The following FSTL4 variants were observed in gnomAD, a reference collection of about 807,000 sequenced individuals.
FSTL4 encodes the protein follistatin-related protein 4.
FSTL4 carries 28 observed loss-of-function variants against 78.2 expected under a neutral mutation model. The ratio of observed to expected loss-of-function variants is 0.36; its 90% CI spans 0.27 to 0.49. The LOEUF (loss-of-function observed/expected upper bound fraction) is 0.49. Ranked by LOEUF, FSTL4 falls within the 20% of genes least tolerant of loss-of-function variation. The pLI is 0.98. For synonymous variants in FSTL4, 422 were observed against 440.5 expected (o/e 0.96, Z 0.53); for missense variants, 922 against 1,084.9 (o/e 0.85, Z 2.11).
At chr5:133,464,825 A>G (rs1757671128) in intron 3 of FSTL4, among the ~76,000 whole-genome samples, 1 of 152,238 alleles carries the variant, frequency 6.6e-6, no homozygotes, top group African/African-American at 2.4e-5. Flanking sequence ...TATGTATTTC[A>G]TACAAAATAT....
chr5:133,816,025 T>G, the FSTL4 span, among the ~76,000 whole-genome samples: 1 of 152,086 alleles, frequency 6.6e-6, no homozygotes. Context: ...ACAAGAAGGA[T>G]AGAGTTAAGC....
intron 2 of FSTL4, among the ~76,000 whole-genome samples, chr5:133,582,694 ATGC>A (rs1200516844): frequency 1.3e-5 from 2 of 152,092 alleles, no homozygotes; most frequent in Non-Finnish European, 2.9e-5. Context: ...TCTTCCTTCC[ATGC>A]TAGGCTCTTA....
chr5:133,305,578 T>C (rs1753638960), intron 6 of FSTL4, among the ~76,000 whole-genome samples: 1 of 152,174 alleles, frequency 6.6e-6, no homozygotes, highest in African/African-American at 2.4e-5. Flanking sequence ...GCTCCTACTT[T>C]GTTTATTGGG....
chr5:133,834,684 A>G, the FSTL4 span, among the ~76,000 whole-genome samples: 3,008 of 152,302 alleles, frequency 0.02, 94 homozygotes, highest in African/African-American at 0.068. Flanking sequence ...TTATAGAATC[A>G]GAAAAAATAA....
chr5:133,449,178 C>A (rs1355589264), intron 3 of FSTL4, among the ~76,000 whole-genome samples: 2 of 152,212 alleles, frequency 1.3e-5, no homozygotes, highest in Non-Finnish European at 2.9e-5. Context: ...TCTGTGCACA[C>A]CATAGGCCTG....
intron 6 of FSTL4, among the ~76,000 whole-genome samples, chr5:133,288,087 A>T (rs1173126272): frequency 6.6e-6 from 1 of 152,272 alleles, no homozygotes; most frequent in Non-Finnish European, 1.5e-5. Context: ...ACTACATATA[A>T]TATAAATGAT....
At chr5:133,685,767 G>A in the FSTL4 span, among the ~76,000 whole-genome samples, 1 of 152,216 alleles carries the variant, frequency 6.6e-6, no homozygotes. Context: ...AGGCAGGCAG[G>A]CCCCAATTCT....
At chr5:133,395,665 A>G (rs548586495) in intron 4 of FSTL4, among the ~76,000 whole-genome samples, 33 of 152,002 alleles carry the variant, frequency 2.2e-4, no homozygotes, top group African/African-American at 7.7e-4. Context: ...TCTCCCCTAC[A>G]CCCAGGATCC....
the FSTL4 span, among the ~76,000 whole-genome samples, chr5:133,684,290 TC>T: frequency 6.6e-6 from 1 of 152,162 alleles, no homozygotes; most frequent in Non-Finnish European, 1.5e-5. Flanking sequence ...TCCTCTGTCC[TC>T]CCCGACCCTC....
chr5:133,581,263 T>A (rs553556714), intron 2 of FSTL4, among the ~76,000 whole-genome samples: 1 of 152,158 alleles, frequency 6.6e-6, no homozygotes, highest in Non-Finnish European at 1.5e-5. Flanking sequence ...CAGAGCTAGA[T>A]TGGTGTTTAC....
At chr5:133,827,522 G>C in the FSTL4 span, among the ~76,000 whole-genome samples, 1 of 152,010 alleles carries the variant, frequency 6.6e-6, no homozygotes, top group African/African-American at 2.4e-5. Flanking sequence ...ATGGAGAGTG[G>C]ACACTGTGCA....
In FSTL4 at chr5:133,426,321, G is replaced by A. The variant is rs761199630; in HGVS notation, c.161-25335C>T. On this transcript the variant is annotated intron_variant, in intron 3 of 15. Transcript: ENST00000265342. The surrounding 1 kb of genome is among the most constrained non-coding windows in gnomAD (Gnocchi z 5.0). ...AGGTGAGAGGGGGAGACCTGCCTCC[G>A]TGGCTCTCCTGGGCTGTGCTGACCC... 2.9e-4 allele frequency among the ~76,000 whole-genome samples: 44 copies of A among 152,250 alleles called. No homozygotes were observed. Among genetic ancestry groups the A allele is most frequent in the African/African-American group, 1.0e-3 (42 of 41,536 alleles).
chr5:133,561,197 G>C (rs1358599724), intron 3 of FSTL4, among the ~76,000 whole-genome samples: 2 of 151,610 alleles, frequency 1.3e-5, no homozygotes, highest in African/African-American at 2.4e-5. Context: ...ACACATCTTG[G>C]AGACAGAAGA....
chr5:133,252,340 T>A, intron 6 of FSTL4: 1 of 151,948 alleles, frequency 6.6e-6, no homozygotes, highest in South Asian at 2.1e-4. Context: ...GGGCTTCCCC[T>A]GGGCCCTAGA....
intron 3 of FSTL4, among the ~76,000 whole-genome samples, chr5:133,459,992 G>T (rs1489608031): frequency 6.6e-6 from 1 of 152,164 alleles, no homozygotes; most frequent in Non-Finnish European, 1.5e-5. Flanking sequence ...AGCTACGAAA[G>T]GAAATATCCT....
the FSTL4 span, among the ~76,000 whole-genome samples, chr5:133,652,645 G>A: frequency 6.6e-6 from 1 of 152,022 alleles, no homozygotes; most frequent in Non-Finnish European, 1.5e-5. Context: ...TCCCATTCTC[G>A]TAAGCATGTT....
chr5:133,374,908 G>GACTGACTAAGCACCCCTCATTTCA (rs1561691245), intron 4 of FSTL4, among the ~76,000 whole-genome samples: 1 of 152,076 alleles, frequency 6.6e-6, no homozygotes, highest in Non-Finnish European at 1.5e-5. Flanking sequence ...TATAGCACCA[G>GACTGACTAAGCACCCCTCATTTCA]ACTGACTAAG....
At chr5:133,498,388 T>G (rs1758416444) in intron 3 of FSTL4, among the ~76,000 whole-genome samples, 1 of 152,170 alleles carries the variant, frequency 6.6e-6, no homozygotes, top group Admixed American at 6.5e-5. Context: ...ATCTATACAT[T>G]ATTGATACGT....
intron 13 of FSTL4, among the ~76,000 whole-genome samples, chr5:133,212,495 T>C (rs777131237): frequency 2.6e-5 from 4 of 152,218 alleles, no homozygotes; most frequent in Non-Finnish European, 5.9e-5. Context: ...CTACTCTCTT[T>C]GCCTAGCAGA....
Sources: gnomAD v4.1 joint callset for allele counts (sites outside exome capture counted in the v4.1 genomes callset) on GRCh38, gnomAD v4.1.1 for gene constraint, Gnocchi (gnomAD v3.1) non-coding constraint, MANE v1.5 for transcripts, NCBI Gene and HGNC (gene_info 2026-07-23, HGNC 2026-07-21) for gene names.